The following GTF2A2 variants were observed in gnomAD, a reference collection of about 807,000 sequenced individuals.
The protein encoded by GTF2A2 is general transcription factor IIA subunit 2.
Under a neutral mutation model 14.3 loss-of-function variants are expected in GTF2A2, and 9 were observed. The ratio of observed to expected loss-of-function variants is 0.63; its 90% confidence interval spans 0.38 to 1.10. GTF2A2 has a LOEUF of 1.10. Among genes scored for constraint, GTF2A2 ranks in the 50% least tolerant of loss-of-function variants. GTF2A2 has a pLI of 0.01. For synonymous variants in GTF2A2, 56 were observed against 46.0 expected, an observed-to-expected ratio of 1.22 and a Z score of -0.88; for missense variants, 90 against 124.6, an observed-to-expected ratio of 0.72 and a Z score of 1.32.
chr15:59,639,224 T>C, intron 4 of GTF2A2, 67 bp from the exon 5 acceptor site: 2 of 961,714 alleles, frequency 2.1e-6, no homozygotes, highest in Admixed American at 3.5e-5. Context: ...CAATTAACTA[T>C]TTTAAGACTA....
intron 3 of GTF2A2, among the ~76,000 whole-genome samples, chr15:59,646,929 G>C (rs1426580458): frequency 6.6e-6 from 1 of 151,184 alleles, no homozygotes; most frequent in Non-Finnish European, 1.5e-5. Flanking sequence ...CTTTTTCACT[G>C]ATTTGAAAGT....
chr15:59,640,155 T>C (rs1383433336), intron 4 of GTF2A2: 3 of 87,296 alleles, frequency 3.4e-5, no homozygotes, highest in Admixed American at 1.2e-4. Flanking sequence ...TAAAGATCAA[T>C]TACTACACCG....
chr15:59,654,177 T>G (rs1891875081), intron 1 of GTF2A2, among the ~76,000 whole-genome samples: 1 of 152,144 alleles, frequency 6.6e-6, no homozygotes, highest in Admixed American at 6.5e-5. Context: ...CCCATCTCAG[T>G]GAAAACCACA....
chr15:59,638,232 C>G lies in GTF2A2; in HGVS notation c.*900G>C, dbSNP rs1290422711. On this transcript the variant is annotated 3_prime_UTR_variant, in exon 5 of 5. Coordinates refer to ENST00000396060, the MANE Select transcript of GTF2A2 (RefSeq NM_004492.3). ...CCAAAGTTAGTTTTAATGTGAGAGT[C>G]AAGGACTACAGTGGCATGCTGAGGT... is the stretch of plus-strand genomic sequence containing the variant. The G allele has an allele frequency of 1.3e-5, 2 of 152,046 alleles. No individual in the cohort carries two copies. The highest frequency in any genetic ancestry group is 4.8e-5 in the African/African-American group (2 of 41,380). 9.4% of individuals were successfully genotyped at this position (152,046 alleles called of 1,614,324 possible).
chr15:59,652,344 A>C lies in GTF2A2; in HGVS notation c.-49-18T>G. Reference sequence around the variant, plus strand: ...TTGATGTCCTAAAAATTTAATATAAAATTGTTAAAAAAGATCATACTGTAA... The same window carrying C: ...TTGATGTCCTAAAAATTTAATATAACATTGTTAAAAAAGATCATACTGTAA... On this transcript the variant is annotated intron_variant, in intron 1 of 4. Coordinates refer to ENST00000396060, the MANE Select transcript of GTF2A2 (RefSeq NM_004492.3). 1 of 822,584 alleles carries C rather than the reference A, an allele frequency of 1.2e-6. No homozygotes were observed. The highest frequency in any genetic ancestry group is 2.0e-6 in the Non-Finnish European group (1 of 498,332). The allele number at this position is 822,584 out of a possible 1,614,324, so 51.0% of individuals were successfully genotyped here. A position where few individuals can be genotyped will look rare whatever the true frequency, so the allele number is the denominator to read the frequency against.
At chr15:59,644,338 A>C (rs1296785616) in intron 3 of GTF2A2, 1 of 152,254 alleles carries the variant, frequency 6.6e-6, no homozygotes, top group Non-Finnish European at 1.5e-5. Context: ...TTCAACTCAG[A>C]AACCACCAAG....
chr15:59,650,246 C>T (rs556415270), intron 3 of GTF2A2, among the ~76,000 whole-genome samples: 8 of 152,258 alleles, frequency 5.3e-5, no homozygotes, highest in African/African-American at 1.7e-4. Context: ...ACCTAAGAGT[C>T]GGAGGGAGGC....
rs1207417277 is a variant in GTF2A2, at chr15:59,641,509, T to TA, written c.304+626dup. Among the ~76,000 whole-genome samples, 4 of 152,320 alleles carry TA rather than the reference T, an allele frequency of 2.6e-5. No individual in the cohort carries two copies. In the East Asian group the frequency reaches 7.7e-4, roughly 29 times the overall value. ...AGTCTTTTCTATTTACTTTCTGGAATAGCTGCTCTTAACACAAATGGTTCA... is the reference window on the plus strand; with the variant it reads ...AGTCTTTTCTATTTACTTTCTGGAATAAGCTGCTCTTAACACAAATGGTTCA... On this transcript the variant is annotated intron_variant, in intron 4 of 4. Transcript: ENST00000396060.
At chr15:59,652,386 T>C in intron 1 of GTF2A2, 60 bp from the exon 2 acceptor site, 1 of 622,810 alleles carries the variant, frequency 1.6e-6, no homozygotes, top group Non-Finnish European at 2.8e-6. Context: ...AAATTATGTA[T>C]ATAATATCAT....
At position 59,652,341 on chromosome 15, in the gene GTF2A2, T is replaced by C; in HGVS notation, c.-49-15A>G. 1 of 828,566 alleles carries C rather than the reference T, an allele frequency of 1.2e-6. No homozygotes were observed. Among genetic ancestry groups the C allele is most frequent in the Non-Finnish European group, 2.0e-6 (1 of 503,374 alleles). 51.3% of individuals were successfully genotyped at this position (828,566 alleles called of 1,614,324 possible). On this transcript the variant is annotated splice_polypyrimidine_tract_variant and intron_variant, in intron 1 of 4. Transcript: ENST00000396060. The stretch of plus-strand genomic sequence containing the variant: ...GCATTGATGTCCTAAAAATTTAATA[T>C]AAAATTGTTAAAAAAGATCATACTG...
chr15:59,656,362 C>T (rs1392617861), intron 1 of GTF2A2, among the ~76,000 whole-genome samples: 5 of 152,128 alleles, frequency 3.3e-5, no homozygotes, highest in African/African-American at 4.8e-5. Context: ...AAACTGACCA[C>T]CGTCATCTTT....
At chr15:59,640,149 GATCA>G (rs569517964) in intron 4 of GTF2A2, 61 of 91,304 alleles carry the variant, frequency 6.7e-4, no homozygotes, top group African/African-American at 1.9e-3. Context: ...TCTCACTAAA[GATCA>G]ATTACTACAC....
At chr15:59,639,890 A>G (rs1319495322) in intron 4 of GTF2A2, among the ~76,000 whole-genome samples, 1 of 152,060 alleles carries the variant, frequency 6.6e-6, no homozygotes, top group Non-Finnish European at 1.5e-5. Flanking sequence ...AGCTGGGATT[A>G]CAGGCGGGTA....
intron 3 of GTF2A2, among the ~76,000 whole-genome samples, chr15:59,648,358 A>G (rs577024098): frequency 1.5e-5 from 2 of 137,898 alleles, no homozygotes; most frequent in South Asian, 4.6e-4. Context: ...CAGTGAGCCG[A>G]GATTGCGCCA....
chr15:59,655,772 G>A (rs1231406275), intron 1 of GTF2A2, among the ~76,000 whole-genome samples: 5 of 152,026 alleles, frequency 3.3e-5, no homozygotes, highest in African/African-American at 1.2e-4. Flanking sequence ...TTTGCATCGT[G>A]GCTTAAAGAA....
At chr15:59,654,667 T>C (rs2141968571) in intron 1 of GTF2A2, among the ~76,000 whole-genome samples, 1 of 152,284 alleles carries the variant, frequency 6.6e-6, no homozygotes, top group Non-Finnish European at 1.5e-5. Context: ...TACTTGGTAG[T>C]ATGTTAAAGT....
In GTF2A2 at chr15:59,638,940, G is replaced by T. The variant is rs1050476219; in HGVS notation, c.*192C>A. On this transcript the variant is annotated 3_prime_UTR_variant, in exon 5 of 5. Coordinates refer to ENST00000396060, the MANE Select transcript of GTF2A2 (RefSeq NM_004492.3). Reference sequence around the variant, plus strand: ...ACTTTTGTCCTTAAAAAAAAGTTATGGTTTTTCATGCTGTATAATAAAGGT... The same window carrying T: ...ACTTTTGTCCTTAAAAAAAAGTTATTGTTTTTCATGCTGTATAATAAAGGT... The T allele has an allele frequency of 2.0e-6, 1 of 497,524 alleles. No individual in the cohort carries two copies. The highest frequency in any genetic ancestry group is 3.6e-5 in the East Asian group (1 of 27,654). 30.8% of individuals were successfully genotyped at this position (497,524 alleles called of 1,614,324 possible). A position where few individuals can be genotyped will look rare whatever the true frequency, so the allele number is the denominator to read the frequency against.
At chr15:59,640,572 A>C (rs1306291886) in intron 4 of GTF2A2, among the ~76,000 whole-genome samples, 2 of 152,254 alleles carry the variant, frequency 1.3e-5, no homozygotes, top group African/African-American at 4.8e-5. Flanking sequence ...TTCAAGTACA[A>C]CAGCCATGAG....
intron 3 of GTF2A2, among the ~76,000 whole-genome samples, chr15:59,646,035 A>AG (rs1471080098): frequency 6.7e-6 from 1 of 148,898 alleles, no homozygotes; most frequent in East Asian, 2.0e-4. Context: ...CTCCGCCTTA[A>AG]AAAAAAAAAA....
Sources: gnomAD v4.1 joint callset for allele counts (sites outside exome capture counted in the v4.1 genomes callset) on GRCh38, gnomAD v4.1.1 for gene constraint, MANE v1.5 for transcripts, NCBI Gene and HGNC (gene_info 2026-07-23, HGNC 2026-07-21) for gene names.